SGCD: variants seen among roughly 807,000 people sequenced by gnomAD.
SGCD encodes the protein sarcoglycan delta, also known as delta-sarcoglycan.
In SGCD, 18 loss-of-function variants were observed where a neutral mutation model predicts 36.6. That is an observed-to-expected ratio of 0.49 (90% CI 0.34 to 0.73). The LOEUF (loss-of-function observed/expected upper bound fraction) is 0.73. Ranked by LOEUF, SGCD falls within the 30% of genes least tolerant of loss-of-function variation. SGCD has a pLI of 0.01. For synonymous variants in SGCD, 133 were observed against 130.6 expected (o/e 1.02, Z -0.12); for missense variants, 387 against 346.7 (o/e 1.12, Z -0.92).
intron 6 of SGCD, among the ~76,000 whole-genome samples, chr5:156,636,057 G>T (rs1243604816): frequency 6.6e-6 from 1 of 151,968 alleles, no homozygotes; most frequent in Non-Finnish European, 1.5e-5. Flanking sequence ...GGGGCTTTCT[G>T]TTGCAGGACA....
At chr5:155,892,840 G>A (rs1017779452) in intron 1 of SGCD, among the ~76,000 whole-genome samples, 1 of 152,138 alleles carries the variant, frequency 6.6e-6, no homozygotes, top group African/African-American at 2.4e-5. Flanking sequence ...GGTTGATTAA[G>A]TAAAGTACGC....
intron 3 of SGCD, among the ~76,000 whole-genome samples, chr5:156,370,984 A>G (rs1171998879): frequency 6.6e-6 from 1 of 152,088 alleles, no homozygotes; most frequent in African/African-American, 2.4e-5. Context: ...AAGGGGGAAA[A>G]AAAAACAGTG....
chr5:156,515,462 T>C (rs931695227), intron 4 of SGCD, among the ~76,000 whole-genome samples: 2 of 152,084 alleles, frequency 1.3e-5, no homozygotes, highest in African/African-American at 4.8e-5. Context: ...ATCCAGGTTC[T>C]CTCACTGGGA....
At chr5:156,080,738 T>A (rs932202772) in intron 1 of SGCD, among the ~76,000 whole-genome samples, 2 of 152,228 alleles carry the variant, frequency 1.3e-5, no homozygotes, top group Non-Finnish European at 2.9e-5. Flanking sequence ...AATAAGTTCC[T>A]CATTTCCATC....
intron 4 of SGCD, among the ~76,000 whole-genome samples, chr5:156,570,777 T>C (rs1158106197): frequency 2.6e-5 from 4 of 152,192 alleles, no homozygotes; most frequent in Non-Finnish European, 2.9e-5. Flanking sequence ...TGAGTTATCT[T>C]TCCTGATCCT....
intron 3 of SGCD, among the ~76,000 whole-genome samples, chr5:156,287,877 T>TGACCAGCCAGAGTCACCAGCCAGA (rs1766653291): frequency 6.6e-6 from 1 of 151,962 alleles, no homozygotes; most frequent in Non-Finnish European, 1.5e-5. Flanking sequence ...CCAGCCTGAG[T>TGACCAGCCAGAGTCACCAGCCAGA]GACAAAGTGA....
intron 1 of SGCD, among the ~76,000 whole-genome samples, chr5:155,984,836 A>G (rs1758297423): frequency 6.6e-6 from 1 of 152,196 alleles, no homozygotes; most frequent in African/African-American, 2.4e-5. Flanking sequence ...TATTCATCAC[A>G]GTCTGCTATT....
At chr5:156,618,592 C>CAA (rs748789128) in intron 6 of SGCD, among the ~76,000 whole-genome samples, 25,678 of 75,966 alleles carry the variant, frequency 0.34, 3,086 homozygotes, top group Admixed American at 0.37. Flanking sequence ...TCATAATTCT[C>CAA]AAAAAAAAAA....
At chr5:156,008,779 C>T (rs1377822393) in intron 1 of SGCD, among the ~76,000 whole-genome samples, 2 of 152,154 alleles carry the variant, frequency 1.3e-5, no homozygotes, top group African/African-American at 4.8e-5. Flanking sequence ...ACCCTATATC[C>T]AAGTAAGTTC....
chr5:156,035,610 C>A (rs1759469619), intron 1 of SGCD, among the ~76,000 whole-genome samples: 2 of 151,990 alleles, frequency 1.3e-5, no homozygotes, highest in South Asian at 2.1e-4. Context: ...GAGACCCTGT[C>A]TCAAAAAAAT....
chr5:156,576,554 G>C (rs191193717), intron 4 of SGCD, among the ~76,000 whole-genome samples: 1 of 152,166 alleles, frequency 6.6e-6, no homozygotes, highest in African/African-American at 2.4e-5. Context: ...GTGTAAAAGC[G>C]TTCCTATTTC....
chr5:156,525,015 T>G (rs1362725839), intron 4 of SGCD, among the ~76,000 whole-genome samples: 3 of 152,152 alleles, frequency 2.0e-5, no homozygotes, highest in African/African-American at 7.2e-5. Flanking sequence ...CTATTGTGAA[T>G]AATGCTACAG....
At chr5:156,229,121 G>A (rs1315063943) in intron 3 of SGCD, among the ~76,000 whole-genome samples, 1 of 151,242 alleles carries the variant, frequency 6.6e-6, no homozygotes, top group Non-Finnish European at 1.5e-5. Flanking sequence ...TGGACTTCAA[G>A]TTCTTCAGTT....
intron 7 of SGCD, among the ~76,000 whole-genome samples, chr5:156,656,000 T>C (rs1412200952): frequency 6.6e-6 from 1 of 152,152 alleles, no homozygotes; most frequent in Non-Finnish European, 1.5e-5. Flanking sequence ...CCTTGTAGGA[T>C]TCTGATCCTA....
At chr5:156,748,057 A>T (rs1757011139) in intron 7 of SGCD, among the ~76,000 whole-genome samples, 2 of 152,238 alleles carry the variant, frequency 1.3e-5, no homozygotes, top group South Asian at 4.1e-4. Context: ...ACTAAGCAAT[A>T]AAAAGAATGA....
chr5:155,772,712 T>C, the SGCD span, among the ~76,000 whole-genome samples: 1 of 152,206 alleles, frequency 6.6e-6, no homozygotes, highest in Non-Finnish European at 1.5e-5. Flanking sequence ...GTACTGATTT[T>C]GTAACTGGGT....
intron 1 of SGCD, among the ~76,000 whole-genome samples, chr5:156,098,499 CTCTT>C (rs1278744919): frequency 2.0e-5 from 3 of 152,034 alleles, no homozygotes; most frequent in African/African-American, 7.2e-5. Context: ...TGTTCTATCT[CTCTT>C]TCATAATACA....
chr5:155,935,065 G>A (rs1274658218), intron 1 of SGCD, among the ~76,000 whole-genome samples: 2 of 152,076 alleles, frequency 1.3e-5, no homozygotes, highest in Non-Finnish European at 2.9e-5. Flanking sequence ...ACTAGTTTTG[G>A]GGCAGTATAC....
chr5:155,969,851 G>T (rs1757975051), intron 1 of SGCD, among the ~76,000 whole-genome samples: 1 of 152,006 alleles, frequency 6.6e-6, no homozygotes, highest in Non-Finnish European at 1.5e-5. Context: ...CATGACATTG[G>T]TCAAGTTAAT....
Sources: gnomAD v4.1 joint callset for allele counts (sites outside exome capture counted in the v4.1 genomes callset) on GRCh38, gnomAD v4.1.1 for gene constraint, MANE v1.5 for transcripts, NCBI Gene and HGNC (gene_info 2026-07-23, HGNC 2026-07-21) for gene names.